Variants in MYO5A observed in about 807,000 individuals in gnomAD.
MYO5A encodes the protein myosin VA.
In MYO5A, 98 loss-of-function variants were observed where a neutral mutation model predicts 249.7. That is an observed-to-expected ratio of 0.39 (90% CI 0.33 to 0.46). The LOEUF is 0.46. MYO5A is among the 20% of genes least tolerant of loss of function. MYO5A has a pLI of 0.98. For synonymous variants in MYO5A, 778 were observed against 810.6 expected (o/e 0.96, Z 0.68); for missense variants, 1,696 against 2,308.8 (o/e 0.73, Z 5.44).
In MYO5A at chr15:52,418,304, G is replaced by A. The variant is rs2043614409; in HGVS notation, c.456-2003C>T. On this transcript the variant is annotated intron_variant, in intron 4 of 41. Coordinates refer to ENST00000399233, the MANE Select transcript of MYO5A (RefSeq NM_001382347.1). ...CTGACCTGTTTCCAGAAGGTCTAATGTGAACTAAAAGCCCTCTTAAAAATA... is the reference window on the plus strand; with the variant it reads ...CTGACCTGTTTCCAGAAGGTCTAATATGAACTAAAAGCCCTCTTAAAAATA... Among the ~76,000 whole-genome samples the A allele has an allele frequency of 2.0e-5, 3 of 152,170 alleles. No individual in the cohort carries two copies. In the South Asian group the frequency reaches 6.2e-4, roughly 31 times the overall value.
At chr15:52,517,212 T>A (rs2077513619) in intron 1 of MYO5A, among the ~76,000 whole-genome samples, 1 of 152,202 alleles carries the variant, frequency 6.6e-6, no homozygotes, top group South Asian at 2.1e-4. Flanking sequence ...CTATCCTGCA[T>A]AAATACAAAT....
At chr15:52,363,561 T>C (rs972625754) in intron 24 of MYO5A, among the ~76,000 whole-genome samples, 2 of 152,254 alleles carry the variant, frequency 1.3e-5, no homozygotes, top group African/African-American at 4.8e-5. Context: ...AAGTGTCATA[T>C]TGTAATGAAC....
chr15:52,376,626 T>A, intron 18 of MYO5A, 68 bp from the exon 19 acceptor site: 1 of 1,415,654 alleles, frequency 7.1e-7, no homozygotes, highest in Non-Finnish European at 9.8e-7. Flanking sequence ...AGAAAAAATG[T>A]CTAAAAGCAG....
chr15:52,431,482 G>A (rs1171132855), intron 2 of MYO5A, among the ~76,000 whole-genome samples: 1 of 151,868 alleles, frequency 6.6e-6, no homozygotes, highest in African/African-American at 2.4e-5. Context: ...ATACATATTA[G>A]TATCTATCTA....
chr15:52,324,723 T>C (rs2038511494), intron 36 of MYO5A, among the ~76,000 whole-genome samples: 1 of 152,180 alleles, frequency 6.6e-6, no homozygotes, highest in Non-Finnish European at 1.5e-5. Context: ...TGGGGAAAGA[T>C]GGGTTTCTCA....
chr15:52,521,033 G>A (rs982698889), intron 1 of MYO5A, among the ~76,000 whole-genome samples: 2 of 152,086 alleles, frequency 1.3e-5, no homozygotes, highest in Admixed American at 6.6e-5. Flanking sequence ...TTCGAGACCC[G>A]CCTGGCCAGT....
intron 1 of MYO5A, among the ~76,000 whole-genome samples, chr15:52,512,856 A>G (rs1032915576): frequency 3.9e-5 from 6 of 152,072 alleles, no homozygotes; most frequent in Non-Finnish European, 7.4e-5. Context: ...GGCCAGGCAC[A>G]GTGGCTCACA....
rs538567492 is a variant in MYO5A, at chr15:52,515,822, A to G, written c.27+12958T>C. 5.9e-5 allele frequency among the ~76,000 whole-genome samples: 9 copies of G among 152,320 alleles called. No homozygotes were observed. In the East Asian group the frequency reaches 1.7e-3, roughly 29 times the overall value. ...GCACCTGACTCTTCAGGACTGGATC[A>G]GGCCACAGTGGGAGGGAGTGTAGGT... On this transcript the variant is annotated intron_variant, in intron 1 of 41. Transcript: ENST00000399233.
rs544475332 is a variant in MYO5A at position 52,374,002 on chromosome 15, C to T, written c.2577+1302G>A. On this transcript the variant is annotated intron_variant, in intron 20 of 41. Coordinates refer to ENST00000399233, the MANE Select transcript of MYO5A (RefSeq NM_001382347.1). Reference sequence around the variant, plus strand: ...ATAAATAAATAGGGCCTAGGTCACACCCATATACTGTCTGTGCTTAGAGAC... The same window carrying T: ...ATAAATAAATAGGGCCTAGGTCACATCCATATACTGTCTGTGCTTAGAGAC... Among the ~76,000 whole-genome samples, 83 of 151,820 alleles carry T rather than the reference C, an allele frequency of 5.5e-4. 3 individuals are homozygous for T. The South Asian group carries it at 0.017, about 31-fold the overall frequency.
At position 52,370,210 on chromosome 15, in the gene MYO5A, T is replaced by C. The variant is rs1246696457; in HGVS notation, c.3025A>G (p.Ile1009Val). The change falls in exon 22 of 42, where the codon ATT becomes GTT. Residue 1009 changes from isoleucine (I) to valine (V), a missense_variant. Physicochemically the swap from Ile to Val is conservative, Grantham distance 29 (BLOSUM62 3). Around this residue, in one of 5 missense-constraint regions of MYO5A, gnomAD observed 412 missense variants for 453.3 expected, o/e 0.91. Transcript: ENST00000399233. ...LEQTRSEKKCIEEHADRYKQE... is the reference protein window; with the variant it reads ...LEQTRSEKKCVEEHADRYKQE... Reference sequence around the variant, plus strand: ...TTGTATCGATCTGCATGTTCCTCAATGCATTTTTTCTCTGAACGAGTTTGC... The same window carrying C: ...TTGTATCGATCTGCATGTTCCTCAACGCATTTTTTCTCTGAACGAGTTTGC... 2 of 1,614,172 alleles carry C rather than the reference T, an allele frequency of 1.2e-6. No individual in the cohort carries two copies. Among genetic ancestry groups the C allele is most frequent in the East Asian group, 2.2e-5 (1 of 44,884 alleles).
chr15:52,455,890 C>T lies in MYO5A; in HGVS notation c.28-22605G>A, dbSNP rs893907082. Among the ~76,000 whole-genome samples, 7 of 152,110 alleles carry T rather than the reference C, an allele frequency of 4.6e-5. No homozygotes were observed. In the South Asian group the frequency reaches 1.5e-3, roughly 32 times the overall value. On this transcript the variant is annotated intron_variant, in intron 1 of 41. Transcript: ENST00000399233. ...GAATGGGGACCATTTGAAAGCCTTTCATCTAACATACGGATCAACAAAAGG... is the reference window on the plus strand; with the variant it reads ...GAATGGGGACCATTTGAAAGCCTTTTATCTAACATACGGATCAACAAAAGG...
rs113085097 is a variant in MYO5A, at chr15:52,351,758, A to G, written c.3622-277T>C. ...GCCTGCCCAGGGTGTGTTCACTGGC[A>G]TGGAGAGATTGCTGAGTCCCAAGGG... is the stretch of plus-strand genomic sequence containing the variant. On this transcript the variant is annotated intron_variant, in intron 27 of 41. Coordinates refer to ENST00000399233, the MANE Select transcript of MYO5A (RefSeq NM_001382347.1). Among the ~76,000 whole-genome samples the G allele has an allele frequency of 5.8e-3, 884 of 152,340 alleles. 5 individuals are homozygous for G. The highest frequency in any genetic ancestry group is 0.02 in the African/African-American group (838 of 41,578).
At chr15:52,330,642 T>A (rs1350086787) in intron 34 of MYO5A, 143 bp from the exon 35 acceptor site, 3 of 972,356 alleles carry the variant, frequency 3.1e-6, no homozygotes, top group East Asian at 2.6e-5. Flanking sequence ...CTTAAAATAA[T>A]TTTTTTCTGT....
intron 25 of MYO5A, among the ~76,000 whole-genome samples, chr15:52,354,487 A>G (rs927964538): frequency 6.6e-5 from 10 of 152,230 alleles, no homozygotes; most frequent in Non-Finnish European, 2.9e-5. Context: ...CAATAATCTG[A>G]ATGTCAGTCA....
chr15:52,319,048 G>GCATTTGCTCACCTGAT lies in MYO5A; in HGVS notation c.5230_5234+11dup. On this transcript the variant is annotated intron_variant, in intron 39 of 41. Transcript: ENST00000399233. ...CAAAAAGACACTGTCGCAGGTGTTG[G>GCATTTGCTCACCTGAT]CATTTGCTCACCTGATCTGCATGCC... 1 of 1,613,884 alleles carries GCATTTGCTCACCTGAT rather than the reference G, an allele frequency of 6.2e-7. No individual in the cohort carries two copies.
chr15:52,417,860 T>C (rs972486334), intron 4 of MYO5A, among the ~76,000 whole-genome samples: 6 of 152,218 alleles, frequency 3.9e-5, no homozygotes, highest in African/African-American at 1.2e-4. Flanking sequence ...TTCTGCTCTT[T>C]ATAAATCACC....
At position 52,376,388 on chromosome 15, in the gene MYO5A, G is replaced by C; in HGVS notation, c.2379C>G (p.Ala793=). ...RKKYLRMRKA[A]ITMQRYVRGY... ...CCCGCACGTATCTCTGCATGGTGAT[G>C]GCTGCCTTCCGCATGCGTAGGTACT... The change falls in exon 19 of 42, where the codon GCC becomes GCG. Residue 793 remains alanine, a synonymous_variant. Transcript: ENST00000399233. 6 of 1,614,118 alleles carry C rather than the reference G, an allele frequency of 3.7e-6. No individual in the cohort carries two copies. The highest frequency in any genetic ancestry group is 5.1e-6 in the Non-Finnish European group (6 of 1,180,022).
chr15:52,388,751 A>T (rs1339251306), intron 13 of MYO5A, among the ~76,000 whole-genome samples: 1 of 152,212 alleles, frequency 6.6e-6, no homozygotes, highest in African/African-American at 2.4e-5. Context: ...CACAATTGCT[A>T]TTCTGAAACC....
At chr15:52,399,588 T>C (rs1432398303) in intron 9 of MYO5A, among the ~76,000 whole-genome samples, 12 of 152,242 alleles carry the variant, frequency 7.9e-5, no homozygotes, top group Non-Finnish European at 2.9e-5. Context: ...ACTTTTTTTT[T>C]CAAACTTTCT....
Sources: allele counts gnomAD v4.1 joint callset (sites outside exome capture counted in the v4.1 genomes callset), GRCh38; gene constraint gnomAD v4.1.1; regional missense constraint gnomAD v4.1.1; transcripts MANE v1.5; gene names NCBI Gene and HGNC (gene_info 2026-07-23, HGNC 2026-07-21).